The following PCDHGA5 variants were observed in gnomAD, a reference collection of about 807,000 sequenced individuals.
The protein encoded by PCDHGA5 is protocadherin gamma subfamily A, 5.
In PCDHGA5, 36 loss-of-function variants were observed where a neutral mutation model predicts 56.7. That is an observed-to-expected ratio of 0.64 (90% CI 0.49 to 0.84). PCDHGA5 has a LOEUF of 0.84. Ranked by LOEUF, PCDHGA5 falls within the 40% of genes least tolerant of loss-of-function variation. The pLI is 0.00. For synonymous variants in PCDHGA5, 563 were observed against 520.2 expected (o/e 1.08, Z -1.12); for missense variants, 1,305 against 1,201.5 (o/e 1.09, Z -1.27).
At chr5:141,427,765 T>C (rs1331334394) in intron 1 of PCDHGA5, 3 of 1,387,170 alleles carry the variant, frequency 2.2e-6, no homozygotes, top group Non-Finnish European at 2.0e-6. Context: ...ACCACTGACT[T>C]GGAGCTGCGG....
At chr5:141,421,721 T>G in intron 1 of PCDHGA5, 1 of 1,613,940 alleles carries the variant, frequency 6.2e-7, no homozygotes, top group Non-Finnish European at 8.5e-7. Flanking sequence ...GATGTGGGCG[T>G]GAACTCCCTC....
intron 1 of PCDHGA5, chr5:141,370,540 A>C (rs1443482874): frequency 1.9e-6 from 3 of 1,613,508 alleles, no homozygotes; most frequent in African/African-American, 1.3e-5. Context: ...CTGGTAGGGA[A>C]CCTCGCCAAG....
rs746063311 is a variant in PCDHGA5, at chr5:141,376,553, G to C, written c.2421+9802G>C. 1.7e-5 allele frequency: 28 copies of C among 1,610,698 alleles called. No homozygotes were observed. The Admixed American group carries it at 2.2e-4, about 13-fold the overall frequency. On this transcript the variant is annotated intron_variant, in intron 1 of 3. Coordinates refer to ENST00000518069, the MANE Select transcript of PCDHGA5 (RefSeq NM_018918.3). ...GCGGGAAGAGTAATCTGATCTTCCC[G>C]CAACCCAACTAATCAGACAGGCTCA...
At chr5:141,406,371 C>T (rs893677721) in intron 1 of PCDHGA5, among the ~76,000 whole-genome samples, 1 of 152,154 alleles carries the variant, frequency 6.6e-6, no homozygotes, top group African/African-American at 2.4e-5. Context: ...TAAGGGTAAA[C>T]TGATAAAAAG....
Position 141,394,604 on chromosome 5 carries a change from C to T in PCDHGA5, c.2421+27853C>T, listed in dbSNP as rs1589234871. On this transcript the variant is annotated intron_variant, in intron 1 of 3. Transcript: ENST00000518069. ...CCAAGGTGGTGGCGGTGGACAGAGA[C>T]TCGGGCCAGAACGCCTGGCTGTCCT... is the stretch of plus-strand genomic sequence containing the variant. 10 of 1,613,590 alleles carry T rather than the reference C, an allele frequency of 6.2e-6. No homozygotes were observed. The East Asian group carries it at 2.0e-4, about 32-fold the overall frequency.
chr5:141,374,244 T>C, intron 1 of PCDHGA5: 3 of 1,613,992 alleles, frequency 1.9e-6, no homozygotes, highest in Non-Finnish European at 2.5e-6. Context: ...GATCTGGGAC[T>C]GGAGCCCCAG....
At chr5:141,433,935 T>G (rs2097665519) in intron 1 of PCDHGA5, among the ~76,000 whole-genome samples, 2 of 152,150 alleles carry the variant, frequency 1.3e-5, no homozygotes, top group African/African-American at 2.4e-5. Context: ...GATTTTATAA[T>G]TCCATTGTTT....
At chr5:141,403,905 A>G in intron 1 of PCDHGA5, 1 of 1,613,894 alleles carries the variant, frequency 6.2e-7, no homozygotes, top group Non-Finnish European at 8.5e-7. Context: ...TATGAAATGG[A>G]AATACAAGCT....
chr5:141,478,323 G>A, intron 1 of PCDHGA5: 2 of 1,613,958 alleles, frequency 1.2e-6, no homozygotes, highest in Non-Finnish European at 8.5e-7. Flanking sequence ...TCACTGTACC[G>A]AACACCAGGG....
At chr5:141,482,862 A>G (rs1169526338) in intron 1 of PCDHGA5, among the ~76,000 whole-genome samples, 1 of 152,180 alleles carries the variant, frequency 6.6e-6, no homozygotes, top group Non-Finnish European at 1.5e-5. Context: ...ACTTGAGGTC[A>G]GGAGTTTGAA....
chr5:141,387,422 TA>T (rs1406219674), intron 1 of PCDHGA5, among the ~76,000 whole-genome samples: 1 of 152,248 alleles, frequency 6.6e-6, no homozygotes, highest in Non-Finnish European at 1.5e-5. Context: ...CTTATGTCAA[TA>T]AATGTTTATG....
rs753013611 is a variant in PCDHGA5, at chr5:141,364,978, T to G, written c.648T>G (p.Asp216Glu). 1 of 1,613,892 alleles carries G rather than the reference T, an allele frequency of 6.2e-7. No homozygotes were observed. Among genetic ancestry groups the G allele is most frequent in the Non-Finnish European group, 8.5e-7 (1 of 1,179,892 alleles). ...TVHDLLLTAL[D>E]GGDPVLSGTT... The stretch of plus-strand genomic sequence containing the variant: ...ACGACCTCCTCCTCACAGCTTTAGA[T>G]GGCGGAGACCCGGTACTCTCCGGCA... Residue 216 changes from aspartate to glutamate, a missense_variant, in exon 1 of 4, where the codon GAT becomes GAG. By Grantham distance (45) the Asp-to-Glu change is conservative (BLOSUM62 2). Transcript: ENST00000518069.
Position 141,476,790 on chromosome 5 carries a change from C to T in PCDHGA5, c.2422-18017C>T. ...TTGGACGGAGGGACCCCAGCTCTCT[C>T]CGCCAGCCTGCCTATTCACATCAAG... On this transcript the variant is annotated intron_variant, in intron 1 of 3. Coordinates refer to ENST00000518069, the MANE Select transcript of PCDHGA5 (RefSeq NM_018918.3). This position sits in a 1 kb window ranked among gnomAD's most constrained non-coding sequence, Gnocchi z 7.6. 1 of 1,613,606 alleles carries T rather than the reference C, an allele frequency of 6.2e-7. No homozygotes were observed. Among genetic ancestry groups the T allele is most frequent in the South Asian group, 1.1e-5 (1 of 91,084 alleles).
At chr5:141,409,013 G>T in intron 1 of PCDHGA5, 1 of 1,613,998 alleles carries the variant, frequency 6.2e-7, no homozygotes. Flanking sequence ...TGACCAGGAT[G>T]AGGGGGTCAA....
chr5:141,371,840 A>T, intron 1 of PCDHGA5: 1 of 1,613,642 alleles, frequency 6.2e-7, no homozygotes, highest in African/African-American at 1.3e-5. Flanking sequence ...CCGACTTGGG[A>T]CCTAATGGCC....
At position 141,432,360 on chromosome 5, in the gene PCDHGA5, C is replaced by T; in HGVS notation, c.2422-62447C>T. On this transcript the variant is annotated intron_variant, in intron 1 of 3. Transcript: ENST00000518069. This position sits in a 1 kb window ranked among gnomAD's most constrained non-coding sequence, Gnocchi z 6.0. Reference sequence around the variant, plus strand: ...CGAGACTTGCAAGTGAAAGTGATGGCGCGGGACAACGGGCACCCGCCCCTC... The same window carrying T: ...CGAGACTTGCAAGTGAAAGTGATGGTGCGGGACAACGGGCACCCGCCCCTC... 1.9e-6 allele frequency: 3 copies of T among 1,614,228 alleles called. No individual in the cohort carries two copies. The highest frequency in any genetic ancestry group is 1.1e-5 in the South Asian group (1 of 91,088).
Position 141,477,128 on chromosome 5 carries a change from G to C in PCDHGA5, c.2422-17679G>C. On this transcript the variant is annotated intron_variant, in intron 1 of 3. Transcript: ENST00000518069. The surrounding 1 kb of genome is among the most constrained non-coding windows in gnomAD (Gnocchi z 4.9). ...CAATCCCGAAGGAGCACATTGCAAA[G>C]TGTTGGTGGAGGTTGTGGATGTGAA... 1.9e-6 allele frequency: 3 copies of C among 1,614,250 alleles called. No homozygotes were observed. The highest frequency in any genetic ancestry group is 2.5e-6 in the Non-Finnish European group (3 of 1,180,046).
chr5:141,408,332 G>A, intron 1 of PCDHGA5: 1 of 1,613,912 alleles, frequency 6.2e-7, no homozygotes, highest in South Asian at 1.1e-5. Context: ...GCTGGCCAAG[G>A]GCTCGGTGGT....
At chr5:141,402,392 C>A (rs1271100750) in intron 1 of PCDHGA5, among the ~76,000 whole-genome samples, 1 of 151,714 alleles carries the variant, frequency 6.6e-6, no homozygotes, top group African/African-American at 2.4e-5. Flanking sequence ...AAAATTACTT[C>A]AGAAAATTGT....
Sources: gnomAD v4.1 joint callset for allele counts (sites outside exome capture counted in the v4.1 genomes callset) on GRCh38, gnomAD v4.1.1 for gene constraint, Gnocchi (gnomAD v3.1) non-coding constraint, MANE v1.5 for transcripts, NCBI Gene and HGNC (gene_info 2026-07-23, HGNC 2026-07-21) for gene names.